Variants in SLC9C2 observed in about 807,000 individuals in gnomAD.
SLC9C2 encodes the protein sodium/hydrogen exchanger 11.
In SLC9C2, 75 loss-of-function variants were observed where a neutral mutation model predicts 140.2. The observed-to-expected ratio is 0.53, with a 90% CI of 0.44 to 0.65. SLC9C2 has a LOEUF of 0.65. Ranked by LOEUF, SLC9C2 falls within the 30% of genes least tolerant of loss-of-function variation. The probability of loss-of-function intolerance (pLI) is 0.00; values close to 1 mark genes in which losing one functional copy is unlikely to be tolerated. For missense variants in SLC9C2, 1,074 were observed against 1,331.8 expected (o/e 0.81, Z 3.01); for synonymous variants, 375 against 420.9 (o/e 0.89, Z 1.34).
intron 5 of SLC9C2, among the ~76,000 whole-genome samples, chr1:173,584,976 GGAAAA>G (rs1330840286): frequency 2.0e-5 from 3 of 151,920 alleles, no homozygotes; most frequent in Non-Finnish European, 2.9e-5. Context: ...TGTAAAATTT[GGAAAA>G]GAAAAGAATA....
chr1:173,561,422 G>C (rs1664097269), intron 9 of SLC9C2, among the ~76,000 whole-genome samples: 1 of 152,180 alleles, frequency 6.6e-6, no homozygotes, highest in African/African-American at 2.4e-5. Context: ...AGGCAAGTTT[G>C]CATAGCTGTA....
chr1:173,520,684 G>A (rs1257191750), intron 22 of SLC9C2, among the ~76,000 whole-genome samples: 3 of 152,180 alleles, frequency 2.0e-5, no homozygotes, highest in Admixed American at 1.3e-4. Flanking sequence ...ATTTATTATG[G>A]TAGTTTATTT....
chr1:173,598,257 T>G (rs1277674181), intron 3 of SLC9C2, among the ~76,000 whole-genome samples: 1 of 152,226 alleles, frequency 6.6e-6, no homozygotes, highest in Non-Finnish European at 1.5e-5. Context: ...TGAGTGGTTT[T>G]GGGCTACACA....
At chr1:173,574,505 C>CCT (rs1553257232) in intron 8 of SLC9C2, among the ~76,000 whole-genome samples, 2 of 104,848 alleles carry the variant, frequency 1.9e-5, no homozygotes, top group African/African-American at 8.3e-5. Flanking sequence ...GAGTTAAGTA[C>CCT]TTTTTTTTTT....
intron 23 of SLC9C2, among the ~76,000 whole-genome samples, chr1:173,510,066 G>T (rs1441231575): frequency 6.6e-6 from 1 of 152,064 alleles, no homozygotes; most frequent in African/African-American, 2.4e-5. Context: ...CACAGTATTT[G>T]TTTCCAGAGG....
chr1:173,548,419 T>C lies in SLC9C2; in HGVS notation c.1431A>G (p.Val477=), dbSNP rs766444557. 9.3e-6 allele frequency: 15 copies of C among 1,613,294 alleles called. No individual in the cohort carries two copies. The highest frequency in any genetic ancestry group is 5.9e-6 in the Non-Finnish European group (7 of 1,179,666). ...KILTNVNWTL[V]EDKTRIEYIP... Reference sequence around the variant, plus strand: ...TGTATTCGATCCTCGTTTTATCTTCTACTAAGGTCCAGTTAACATTTGTCA... The same window carrying C: ...TGTATTCGATCCTCGTTTTATCTTCCACTAAGGTCCAGTTAACATTTGTCA... The change falls in exon 12 of 28, where the codon GTA becomes GTG. Residue 477 remains valine, a synonymous_variant. Transcript: ENST00000367714.
chr1:173,536,934 A>T lies in SLC9C2; in HGVS notation c.1655+8T>A. The stretch of plus-strand genomic sequence containing the variant: ...TGGAAATATCAATTAAAGAAGTGTT[A>T]TACTTACTTTCCTTGGATGGAGTAA... On this transcript the variant is annotated splice_region_variant and intron_variant, in intron 14 of 27. Coordinates refer to ENST00000367714, the MANE Select transcript of SLC9C2 (RefSeq NM_178527.4). The T allele has an allele frequency of 6.2e-7, 1 of 1,600,022 alleles. No individual in the cohort carries two copies. Among genetic ancestry groups the T allele is most frequent in the Non-Finnish European group, 8.6e-7 (1 of 1,168,258 alleles).
At chr1:173,515,323 T>C (rs1321694422) in intron 23 of SLC9C2, among the ~76,000 whole-genome samples, 2 of 152,252 alleles carry the variant, frequency 1.3e-5, no homozygotes, top group Non-Finnish European at 2.9e-5. Flanking sequence ...TCTTTTTACA[T>C]AGTCCCATAT....
At chr1:173,568,644 C>G (rs531725503) in intron 9 of SLC9C2, among the ~76,000 whole-genome samples, 1 of 152,120 alleles carries the variant, frequency 6.6e-6, no homozygotes, top group Admixed American at 6.5e-5. Flanking sequence ...GGGTATATAC[C>G]CAATAATGAG....
At chr1:173,519,802 A>T (rs1311490216) in intron 22 of SLC9C2, among the ~76,000 whole-genome samples, 1 of 152,152 alleles carries the variant, frequency 6.6e-6, no homozygotes. Flanking sequence ...GAGTATGTGT[A>T]GTTGGGGCCA....
Position 173,580,632 on chromosome 1 carries a change from C to T in SLC9C2, c.802+1215G>A, listed in dbSNP as rs902304966. ...CCTCCCAAAGTGCTGGGATTACAGG[C>T]GTGAGCCACTGCACCCAGCCTATCA... On this transcript the variant is annotated intron_variant, in intron 7 of 27. Coordinates refer to ENST00000367714, the MANE Select transcript of SLC9C2 (RefSeq NM_178527.4). Among the ~76,000 whole-genome samples, 4 of 152,274 alleles carry T rather than the reference C, an allele frequency of 2.6e-5. No homozygotes were observed. In the East Asian group the frequency reaches 5.8e-4, roughly 22 times the overall value.
Position 173,528,656 on chromosome 1 carries a change from G to A in SLC9C2, c.2313+1249C>T, listed in dbSNP as rs529401992. ...CTCTCTTGACTGAGGTAACGTAACC[G>A]TCACCACAAAAAATAGGCACCGTAA... On this transcript the variant is annotated intron_variant, in intron 18 of 27. Transcript: ENST00000367714. Among the ~76,000 whole-genome samples, 142 of 152,096 alleles carry A rather than the reference G, an allele frequency of 9.3e-4. 1 individual carries two copies. Among genetic ancestry groups the A allele is most frequent in the African/African-American group, 2.8e-3 (118 of 41,464 alleles).
chr1:173,539,405 T>C (rs1162780809), intron 13 of SLC9C2, among the ~76,000 whole-genome samples: 1 of 152,150 alleles, frequency 6.6e-6, no homozygotes, highest in East Asian at 1.9e-4. Context: ...GAAGGTAAGA[T>C]TGATAGAGCT....
intron 8 of SLC9C2, among the ~76,000 whole-genome samples, chr1:173,574,622 T>C (rs959375793): frequency 6.7e-6 from 1 of 149,284 alleles, no homozygotes; most frequent in Non-Finnish European, 1.5e-5. Flanking sequence ...GCCATTCTCC[T>C]GCCTCAGACT....
chr1:173,507,555 T>G (rs926902625), intron 24 of SLC9C2, among the ~76,000 whole-genome samples: 1 of 152,120 alleles, frequency 6.6e-6, no homozygotes, highest in Admixed American at 6.6e-5. Flanking sequence ...ATTCTTATGC[T>G]GAAGTCCTAA....
chr1:173,587,120 A>T (rs1447515174), intron 5 of SLC9C2, among the ~76,000 whole-genome samples: 1 of 152,150 alleles, frequency 6.6e-6, no homozygotes, highest in African/African-American at 2.4e-5. Context: ...GCAGGACTCC[A>T]AATCCTCTTG....
chr1:173,550,909 A>AGAGAG (rs1663248912), intron 11 of SLC9C2, among the ~76,000 whole-genome samples: 115 of 130,184 alleles, frequency 8.8e-4, no homozygotes, highest in South Asian at 1.9e-3. Context: ...AGAGAGAGAG[A>AGAGAG]AGGAAGGGAA....
rs767692780 is a variant in SLC9C2, at chr1:173,554,851, A to T, written c.1216-37T>A. On this transcript the variant is annotated intron_variant, in intron 10 of 27. Coordinates refer to ENST00000367714, the MANE Select transcript of SLC9C2 (RefSeq NM_178527.4). ...GCACATAAATAGTTAGAACCAAAAC[A>T]TTAAATAAGTTCTCCAAAAGCAATC... 8.2e-6 allele frequency: 10 copies of T among 1,214,978 alleles called. No individual in the cohort carries two copies. The East Asian group carries it at 2.4e-4, about 29-fold the overall frequency. 75.3% of individuals were successfully genotyped at this position (1,214,978 alleles called of 1,614,324 possible).
chr1:173,547,641 G>T, intron 13 of SLC9C2, 48 bp downstream of exon 13: 1 of 1,391,768 alleles, frequency 7.2e-7, no homozygotes, highest in Non-Finnish European at 1.0e-6. Context: ...AAGGATCAAA[G>T]ACATTGCAAG....
Sources: allele counts gnomAD v4.1 joint callset (sites outside exome capture counted in the v4.1 genomes callset), GRCh38; gene constraint gnomAD v4.1.1; transcripts MANE v1.5; gene names NCBI Gene and HGNC (gene_info 2026-07-23, HGNC 2026-07-21).